TANK: variants seen among roughly 807,000 people sequenced by gnomAD.
TANK encodes TRAF family member-associated NF-kappa-B activator.
TANK carries 15 observed loss-of-function variants against 43.6 expected under a neutral mutation model. That is an observed-to-expected ratio of 0.34 (90% confidence interval 0.23 to 0.53). TANK has a LOEUF of 0.53. Ranked by LOEUF, TANK falls within the 20% of genes least tolerant of loss-of-function variation. The probability of loss-of-function intolerance (pLI) is 0.94; values close to 1 mark genes in which losing one functional copy is unlikely to be tolerated. For missense variants in TANK, 417 were observed against 498.6 expected (o/e 0.84, Z 1.56); for synonymous variants, 162 against 178.2 (o/e 0.91, Z 0.73).
At chr2:161,173,853 C>G (rs1157589882) in intron 1 of TANK, among the ~76,000 whole-genome samples, 1 of 151,940 alleles carries the variant, frequency 6.6e-6, no homozygotes, top group South Asian at 2.1e-4. Context: ...TTTAGAGACC[C>G]ACAAAACAGT....
chr2:161,216,451 A>G (rs551915958), intron 4 of TANK: 25 of 463,714 alleles, frequency 5.4e-5, no homozygotes, highest in South Asian at 4.0e-4. Flanking sequence ...CCGTAAGCAT[A>G]AAGTGATAAT....
intron 1 of TANK, among the ~76,000 whole-genome samples, chr2:161,170,994 G>A (rs1684917773): frequency 6.6e-6 from 1 of 152,168 alleles, no homozygotes; most frequent in South Asian, 2.1e-4. Context: ...ATTTTATAGT[G>A]TCTTTTTATT....
At chr2:161,160,527 C>T (rs932666833) in intron 1 of TANK, 41 bp downstream of exon 1, 2 of 1,285,172 alleles carry the variant, frequency 1.6e-6, no homozygotes, top group African/African-American at 3.0e-5. Context: ...CCGAATCCGT[C>T]AAGCACGACG....
chr2:161,150,582 TCTTC>T (rs1228095553), intron 1 of TANK, among the ~76,000 whole-genome samples: 1 of 148,212 alleles, frequency 6.7e-6, no homozygotes, highest in Non-Finnish European at 1.5e-5. Flanking sequence ...TTTCAAATCT[TCTTC>T]TTCTTTTTTT....
chr2:161,212,903 G>T (rs573660270), intron 4 of TANK: 144 of 511,470 alleles, frequency 2.8e-4, no homozygotes, highest in Non-Finnish European at 3.5e-4. Context: ...TTTGGCTCAT[G>T]ATTTTGATAT....
At chr2:161,151,828 A>G (rs770800377) in intron 1 of TANK, among the ~76,000 whole-genome samples, 1 of 152,018 alleles carries the variant, frequency 6.6e-6, no homozygotes, top group Non-Finnish European at 1.5e-5. Context: ...TGATTTCTGT[A>G]TGTTCTATAC....
chr2:161,205,176 A>G (rs1233932525), intron 4 of TANK, among the ~76,000 whole-genome samples: 1 of 152,106 alleles, frequency 6.6e-6, no homozygotes, highest in Non-Finnish European at 1.5e-5. Context: ...AAATGAAAAA[A>G]TTAGCCACGC....
intron 2 of TANK, among the ~76,000 whole-genome samples, chr2:161,195,848 G>A (rs1187265569): frequency 6.6e-6 from 1 of 152,006 alleles, no homozygotes; most frequent in Non-Finnish European, 1.5e-5. Context: ...TTTTTGGGAG[G>A]CCCAGGCAGG....
chr2:161,203,438 G>A (rs750585958), intron 2 of TANK, 49 bp from the exon 3 acceptor site: 1 of 1,240,994 alleles, frequency 8.1e-7, no homozygotes. Flanking sequence ...GTAAATATAT[G>A]TTCATGTCTA....
intron 4 of TANK, among the ~76,000 whole-genome samples, chr2:161,214,154 C>T (rs1185571424): frequency 6.6e-6 from 1 of 152,184 alleles, no homozygotes. Flanking sequence ...CACTTGAAAG[C>T]TCAAATTTTA....
chr2:161,202,325 G>A (rs1686455951), intron 2 of TANK, among the ~76,000 whole-genome samples: 1 of 151,622 alleles, frequency 6.6e-6, no homozygotes. Context: ...AAGTAGCTGG[G>A]ACTACAGGTG....
chr2:161,191,779 C>G (rs1685926878), intron 2 of TANK, among the ~76,000 whole-genome samples: 1 of 151,978 alleles, frequency 6.6e-6, no homozygotes, highest in African/African-American at 2.4e-5. Flanking sequence ...TTGTACTACC[C>G]TTCCTTCTTA....
chr2:161,210,064 G>A (rs955551283), intron 4 of TANK, among the ~76,000 whole-genome samples: 4 of 152,162 alleles, frequency 2.6e-5, no homozygotes, highest in African/African-American at 4.8e-5. Flanking sequence ...ACTGAAAGAT[G>A]TCAGTTAAAC....
At chr2:161,212,885 A>G (rs780511664) in intron 4 of TANK, 1 of 664,628 alleles carries the variant, frequency 1.5e-6, no homozygotes, top group Non-Finnish European at 1.9e-6. Flanking sequence ...ATAAAGAAAA[A>G]AGGTTTATTT....
intron 1 of TANK, among the ~76,000 whole-genome samples, chr2:161,146,488 G>A (rs1301155939): frequency 6.6e-6 from 1 of 152,190 alleles, no homozygotes; most frequent in South Asian, 2.1e-4. Flanking sequence ...CTGACCCTTG[G>A]ATGGGGTTTT....
intron 4 of TANK, chr2:161,208,195 T>C: frequency 1.0e-6 from 1 of 985,332 alleles, no homozygotes; most frequent in Non-Finnish European, 1.2e-6. Flanking sequence ...TCTGGCTGCC[T>C]TGGAAAAAAG....
chr2:161,137,709 C>A (rs1187083014), intron 1 of TANK, among the ~76,000 whole-genome samples: 1 of 152,128 alleles, frequency 6.6e-6, no homozygotes. Flanking sequence ...CATGGTGGCT[C>A]ACTCCTGTAA....
intron 1 of TANK, among the ~76,000 whole-genome samples, chr2:161,179,216 A>T (rs1403567289): frequency 6.6e-6 from 1 of 152,178 alleles, no homozygotes. Context: ...CAGTGTAGCA[A>T]GAATTCACCT....
At chr2:161,186,145 C>T (rs1685654973) in intron 2 of TANK, among the ~76,000 whole-genome samples, 1 of 152,110 alleles carries the variant, frequency 6.6e-6, no homozygotes, top group Admixed American at 6.6e-5. Flanking sequence ...GCTGAGATCA[C>T]ACAACTGCAC....
Sources: gnomAD v4.1 joint callset for allele counts (sites outside exome capture counted in the v4.1 genomes callset) on GRCh38, gnomAD v4.1.1 for gene constraint, MANE v1.5 for transcripts, NCBI Gene and HGNC (gene_info 2026-07-23, HGNC 2026-07-21) for gene names.